PCDH15: variants seen among roughly 807,000 people sequenced by gnomAD.
PCDH15 encodes the protein protocadherin-15.
Under a neutral mutation model 178.5 loss-of-function variants are expected in PCDH15, and 129 were observed. The ratio of observed to expected loss-of-function variants is 0.72; its 90% CI spans 0.63 to 0.84. The LOEUF is 0.84. Among genes scored for constraint, PCDH15 ranks in the 40% least tolerant of loss-of-function variants. The probability of loss-of-function intolerance (pLI) is 0.00; values close to 1 mark genes in which losing one functional copy is unlikely to be tolerated. For synonymous variants in PCDH15, 800 were observed against 732.0 expected (o/e 1.09, Z -1.50); for missense variants, 2,230 against 2,099.9 (o/e 1.06, Z -1.21).
intron 26 of PCDH15, among the ~76,000 whole-genome samples, chr10:53,887,009 C>A (rs1451340494): frequency 1.3e-5 from 2 of 152,128 alleles, no homozygotes; most frequent in Non-Finnish European, 2.9e-5. Context: ...CTGTTTTTGA[C>A]ATGTTGGCAT....
In PCDH15 at chr10:54,380,729, T is replaced by TATATACAC. The variant is rs1554941857; in HGVS notation, c.158-1788_158-1787insGTGTATAT. Among the ~76,000 whole-genome samples the TATATACAC allele has an allele frequency of 2.7e-3, 312 of 115,008 alleles. 16 individuals carry two copies. Among genetic ancestry groups the TATATACAC allele is most frequent in the African/African-American group, 0.011 (299 of 26,814 alleles). The allele number at this position is 115,008 out of a possible 152,430, so 75.4% of individuals were successfully genotyped here. A position where few individuals can be genotyped will look rare whatever the true frequency, so the allele number is the denominator to read the frequency against. ...CCATATATATATATATATATATATA[T>TATATACAC]ATATATATATATATATATGCTCCAA... On this transcript the variant is annotated intron_variant, in intron 3 of 37. Coordinates refer to ENST00000644397, the MANE Select transcript of PCDH15 (RefSeq NM_001384140.1).
At chr10:55,382,557 G>A (rs983200832) in intron 2 of PCDH15, among the ~76,000 whole-genome samples, 3 of 152,166 alleles carry the variant, frequency 2.0e-5, no homozygotes, top group Non-Finnish European at 2.9e-5. Flanking sequence ...AAGGTACACG[G>A]CCAGAACAAA....
intron 23 of PCDH15, among the ~76,000 whole-genome samples, chr10:53,944,451 T>C (rs1158396381): frequency 6.6e-6 from 1 of 152,192 alleles, no homozygotes; most frequent in Non-Finnish European, 1.5e-5. Flanking sequence ...AAATGAAACA[T>C]TTCTCAGAAG....
chr10:55,088,447 T>C (rs1842232405), intron 2 of PCDH15, among the ~76,000 whole-genome samples: 2 of 151,902 alleles, frequency 1.3e-5, no homozygotes, highest in Non-Finnish European at 2.9e-5. Flanking sequence ...TTTTTTGTAT[T>C]TTTTTTAGTA....
chr10:54,853,310 T>TACATATACACATATACAC, intron 3 of PCDH15, among the ~76,000 whole-genome samples: 2 of 99,152 alleles, frequency 2.0e-5, no homozygotes, highest in Middle Eastern at 8.7e-3. Context: ...TATATATATA[T>TACATATACACATATACAC]ATATATATAC....
At chr10:55,366,922 C>CGTGTGTGTGTGT (rs34339947) in intron 2 of PCDH15, among the ~76,000 whole-genome samples, 52 of 150,192 alleles carry the variant, frequency 3.5e-4, no homozygotes, top group African/African-American at 8.5e-4. Context: ...CATTTGTTTG[C>CGTGTGTGTGTGT]GTGTGTGTGT....
intron 3 of PCDH15, among the ~76,000 whole-genome samples, chr10:54,824,007 C>T (rs890084385): frequency 6.6e-6 from 1 of 152,086 alleles, no homozygotes; most frequent in Non-Finnish European, 1.5e-5. Context: ...CAAGCCCTGG[C>T]ATTTTCCTGC....
At chr10:54,370,617 A>G (rs1045857691) in intron 4 of PCDH15, among the ~76,000 whole-genome samples, 11 of 151,928 alleles carry the variant, frequency 7.2e-5, no homozygotes, top group Non-Finnish European at 1.5e-5. Flanking sequence ...TCGTTTATTC[A>G]TCTATAAAAT....
chr10:55,229,792 G>T (rs550057614), intron 1 of PCDH15, among the ~76,000 whole-genome samples: 12 of 152,138 alleles, frequency 7.9e-5, no homozygotes, highest in Admixed American at 2.6e-4. Flanking sequence ...GTAGACAGCA[G>T]AATAAAATAT....
At chr10:55,585,617 A>G (rs1453715435) in intron 2 of PCDH15, among the ~76,000 whole-genome samples, 3 of 152,104 alleles carry the variant, frequency 2.0e-5, no homozygotes, top group Non-Finnish European at 4.4e-5. Flanking sequence ...TGGAGGTTGC[A>G]TTGAGCCGAG....
At chr10:54,265,540 A>G (rs2057617836) in intron 8 of PCDH15, among the ~76,000 whole-genome samples, 2 of 152,072 alleles carry the variant, frequency 1.3e-5, no homozygotes, top group South Asian at 4.1e-4. Context: ...CCATCTCATA[A>G]GTAATGACAC....
intron 21 of PCDH15, among the ~76,000 whole-genome samples, chr10:53,992,316 A>G (rs2091568264): frequency 6.6e-6 from 1 of 152,202 alleles, no homozygotes; most frequent in South Asian, 2.1e-4. Context: ...AAGAACTGTA[A>G]CACTCAGTGC....
chr10:54,547,646 A>G (rs971594610), intron 2 of PCDH15, among the ~76,000 whole-genome samples: 2 of 152,164 alleles, frequency 1.3e-5, no homozygotes, highest in Admixed American at 6.5e-5. Context: ...GTATTCCATT[A>G]TATAACTGGA....
chr10:54,813,530 TG>T (rs1952900477), intron 3 of PCDH15, among the ~76,000 whole-genome samples: 1 of 152,096 alleles, frequency 6.6e-6, no homozygotes, highest in South Asian at 2.1e-4. Flanking sequence ...GTTTGCGGGG[TG>T]GGGGATCACT....
At chr10:53,899,141 T>TTG (rs1170240543) in intron 26 of PCDH15, among the ~76,000 whole-genome samples, 1 of 65,448 alleles carries the variant, frequency 1.5e-5, no homozygotes, top group African/African-American at 6.6e-5. Flanking sequence ...TTACTTTTTT[T>TTG]CGGGGGGGGG....
At chr10:55,195,178 C>T (rs991794856) in intron 1 of PCDH15, among the ~76,000 whole-genome samples, 15 of 151,756 alleles carry the variant, frequency 9.9e-5, no homozygotes, top group Admixed American at 3.9e-4. Context: ...CATCAGCCAC[C>T]ACGCCTGGCT....
intron 2 of PCDH15, among the ~76,000 whole-genome samples, chr10:54,902,070 C>T (rs1043700894): frequency 6.6e-6 from 1 of 152,064 alleles, no homozygotes; most frequent in Non-Finnish European, 1.5e-5. Context: ...GCTTCAAATT[C>T]ACCAGTAGTT....
intron 1 of PCDH15, among the ~76,000 whole-genome samples, chr10:54,747,844 A>C (rs905644453): frequency 7.4e-5 from 10 of 134,560 alleles, no homozygotes; most frequent in African/African-American, 2.6e-4. Context: ...CTCGCTCTGT[A>C]GCCCAAGCTG....
In PCDH15 at chr10:54,796,258, CTATCTATCTATCTATG is replaced by C. The variant is rs1173271959; in HGVS notation, c.-29+4651_-29+4666del. On this transcript the variant is annotated intron_variant, in intron 1 of 37. Transcript: ENST00000644397. ...TCTATCTATCTATCTATCTATCTAT[CTATCTATCTATCTATG>C]TATCTATGTATCTATCTATCTATCT... Among the ~76,000 whole-genome samples, 1,000 of 107,464 alleles carry C rather than the reference CTATCTATCTATCTATG, an allele frequency of 9.3e-3. 10 individuals carry two copies. The highest frequency in any genetic ancestry group is 0.026 in the African/African-American group (638 of 24,700). 70.5% of individuals were successfully genotyped at this position (107,464 alleles called of 152,430 possible). A position where few individuals can be genotyped will look rare whatever the true frequency, so the allele number is the denominator to read the frequency against.
Sources: gnomAD v4.1 joint callset for allele counts (sites outside exome capture counted in the v4.1 genomes callset) on GRCh38, gnomAD v4.1.1 for gene constraint, MANE v1.5 for transcripts, NCBI Gene and HGNC (gene_info 2026-07-23, HGNC 2026-07-21) for gene names.